Variants in RILPL1 observed in about 807,000 individuals in gnomAD.
The protein encoded by RILPL1 is Rab interacting lysosomal protein like 1.
RILPL1 carries 33 observed loss-of-function variants against 50.3 expected under a neutral mutation model. That is an observed-to-expected ratio of 0.66 (90% CI 0.50 to 0.88). The LOEUF (loss-of-function observed/expected upper bound fraction) is 0.88, where lower values mean the gene tolerates loss of function less well. Ranked by LOEUF, RILPL1 falls within the 40% of genes least tolerant of loss-of-function variation. The pLI, the probability that RILPL1 is intolerant of heterozygous loss-of-function variation, is 0.00. For synonymous variants in RILPL1, 205 were observed against 228.6 expected (o/e 0.90, Z 0.93); for missense variants, 418 against 542.5 (o/e 0.77, Z 2.28).
chr12:123,521,695 A>ATG (rs1555269651), intron 2 of RILPL1, among the ~76,000 whole-genome samples: 2 of 8,826 alleles, frequency 2.3e-4, no homozygotes, highest in African/African-American at 3.8e-4. Flanking sequence ...ACACACATAT[A>ATG]TGTATATATA....
In RILPL1 at chr12:123,498,496, C is replaced by T; in HGVS notation, c.801+48G>A. The T allele has an allele frequency of 6.4e-7, 1 of 1,569,876 alleles. No homozygotes were observed. Among genetic ancestry groups the T allele is most frequent in the South Asian group, 1.1e-5 (1 of 90,066 alleles). Reference sequence around the variant, plus strand: ...CAACCCTGCCTGCCTTAAGCCAACCCCCAGACTGACCCTCTGCTACCACCT... The same window carrying T: ...CAACCCTGCCTGCCTTAAGCCAACCTCCAGACTGACCCTCTGCTACCACCT... On this transcript the variant is annotated intron_variant, in intron 4 of 6. Coordinates refer to ENST00000376874, the MANE Select transcript of RILPL1 (RefSeq NM_178314.5). This position sits in a 1 kb window ranked among gnomAD's most constrained non-coding sequence, Gnocchi z 4.3.
intron 2 of RILPL1, among the ~76,000 whole-genome samples, chr12:123,502,737 C>T (rs1426438888): frequency 6.6e-6 from 1 of 152,202 alleles, no homozygotes; most frequent in African/African-American, 2.4e-5. Context: ...GTTTCCTGCA[C>T]CTGCTGTAAC....
rs1881237507 is a variant in RILPL1 at position 123,472,248 on chromosome 12, AGTT to A, written c.*287_*289del. 5.8e-6 allele frequency: 2 copies of A among 346,128 alleles called. No homozygotes were observed. The highest frequency in any genetic ancestry group is 9.9e-5 in the East Asian group (2 of 20,270). 21.4% of individuals were successfully genotyped at this position (346,128 alleles called of 1,614,324 possible). A position where few individuals can be genotyped will look rare whatever the true frequency, so the allele number is the denominator to read the frequency against. ...GGCTTAAAGAAGCTTGTGTTACTGAAGTTAACGCAGAAGTCTGGCCTCCGTTTG... is the reference window on the plus strand; with the variant it reads ...GGCTTAAAGAAGCTTGTGTTACTGAAAACGCAGAAGTCTGGCCTCCGTTTG... On this transcript the variant is annotated 3_prime_UTR_variant, in exon 7 of 7. Transcript: ENST00000376874.
At chr12:123,484,150 G>A (rs771070802) in intron 6 of RILPL1, 30 bp downstream of exon 6, 14 of 1,490,274 alleles carry the variant, frequency 9.4e-6, no homozygotes, top group Middle Eastern at 1.8e-4. Context: ...CAGGTCAGCC[G>A]AGCGCAGAAG....
intron 6 of RILPL1, chr12:123,475,445 G>A (rs764099512): frequency 9.2e-5 from 52 of 563,996 alleles, no homozygotes; most frequent in Non-Finnish European, 1.5e-4. Context: ...AAGAATTATC[G>A]GTGACAGAGC....
intron 2 of RILPL1, among the ~76,000 whole-genome samples, chr12:123,510,094 G>A (rs535129995): frequency 5.9e-5 from 9 of 152,228 alleles, no homozygotes; most frequent in Non-Finnish European, 1.0e-4. Flanking sequence ...GTTGCTCTGC[G>A]TCCACTTTCT....
At chr12:123,527,898 C>T (rs1024546665) in intron 1 of RILPL1, among the ~76,000 whole-genome samples, 8 of 152,132 alleles carry the variant, frequency 5.3e-5, no homozygotes, top group African/African-American at 1.9e-4. Flanking sequence ...TCCTCCACAG[C>T]CCCCCAAAGG....
At position 123,522,113 on chromosome 12, in the gene RILPL1, C is replaced by T. The variant is rs898484162; in HGVS notation, c.460+1382G>A. ...TTCTGCAGAGAGGTCACCACACATT[C>T]TGAAGTTGGGCACCCACCCCAGGTC... On this transcript the variant is annotated intron_variant, in intron 2 of 6. Transcript: ENST00000376874. The surrounding 1 kb of genome is among the most constrained non-coding windows in gnomAD (Gnocchi z 4.0). Among the ~76,000 whole-genome samples, 3 of 152,130 alleles carry T rather than the reference C, an allele frequency of 2.0e-5. No homozygotes were observed. The highest frequency in any genetic ancestry group is 4.4e-5 in the Non-Finnish European group (3 of 68,026).
intron 1 of RILPL1, among the ~76,000 whole-genome samples, chr12:123,529,494 C>G (rs1216988282): frequency 6.6e-6 from 1 of 152,064 alleles, no homozygotes; most frequent in Non-Finnish European, 1.5e-5. Context: ...CCAGGATGGT[C>G]TTGACCTCCT....
intron 2 of RILPL1, among the ~76,000 whole-genome samples, chr12:123,506,268 A>G (rs894670492): frequency 9.9e-5 from 15 of 152,108 alleles, no homozygotes; most frequent in African/African-American, 3.6e-4. Context: ...GCATCGGGGG[A>G]TGAGGGCAAT....
At chr12:123,512,832 CTGTGTGTGCTGTGTGAGGTTTG>C (rs1884438860) in intron 2 of RILPL1, among the ~76,000 whole-genome samples, 1 of 91,682 alleles carries the variant, frequency 1.1e-5, no homozygotes, top group African/African-American at 4.4e-5. Context: ...TGTGTGAGGT[CTGTGTGTGCTGTGTGAGGTTTG>C]TGTGTGTGTG....
chr12:123,492,650 A>T (rs1566121491), intron 4 of RILPL1, among the ~76,000 whole-genome samples: 1 of 152,198 alleles, frequency 6.6e-6, no homozygotes, highest in Non-Finnish European at 1.5e-5. Context: ...GATGTGGGGA[A>T]AGGAACAGAG....
At position 123,489,973 on chromosome 12, in the gene RILPL1, G is replaced by A. The variant is rs958619407; in HGVS notation, c.802-4168C>T. 4.6e-5 allele frequency among the ~76,000 whole-genome samples: 7 copies of A among 152,146 alleles called. No homozygotes were observed. The highest frequency in any genetic ancestry group is 7.2e-5 in the African/African-American group (3 of 41,436). Reference sequence around the variant, plus strand: ...GCATTTTGGGCTTCCTGTGGAAAGTGCGCTGGAAGATCAGGCCCCACTGGC... The same window carrying A: ...GCATTTTGGGCTTCCTGTGGAAAGTACGCTGGAAGATCAGGCCCCACTGGC... On this transcript the variant is annotated intron_variant, in intron 4 of 6. Transcript: ENST00000376874. This position sits in a 1 kb window ranked among gnomAD's most constrained non-coding sequence, Gnocchi z 4.0.
intron 6 of RILPL1, among the ~76,000 whole-genome samples, chr12:123,476,314 G>T (rs909634958): frequency 7.3e-6 from 1 of 137,788 alleles, no homozygotes; most frequent in Admixed American, 7.6e-5. Flanking sequence ...GGTGGCGCAT[G>T]CCTGTAATCC....
At chr12:123,530,235 G>A (rs1407552428) in intron 1 of RILPL1, among the ~76,000 whole-genome samples, 4 of 152,154 alleles carry the variant, frequency 2.6e-5, no homozygotes, top group Non-Finnish European at 1.5e-5. Context: ...GTGTGATTTC[G>A]ACTCGCTGCA....
At chr12:123,527,748 G>A (rs950237453) in intron 1 of RILPL1, among the ~76,000 whole-genome samples, 4 of 152,224 alleles carry the variant, frequency 2.6e-5, no homozygotes, top group South Asian at 2.1e-4. Flanking sequence ...CAGGGTCTTC[G>A]TAAGAGGAAG....
At chr12:123,504,930 CAG>C (rs1883638414) in intron 2 of RILPL1, among the ~76,000 whole-genome samples, 1 of 152,216 alleles carries the variant, frequency 6.6e-6, no homozygotes, top group African/African-American at 2.4e-5. Context: ...CACCACGGGG[CAG>C]ACTCTAGTCC....
Position 123,470,936 on chromosome 12 carries a change from C to T in RILPL1, c.*1602G>A, listed in dbSNP as rs1333756155. ...TCTTTGAGAATAAATTCTAATAATT[C>T]TAATGGGCACTCAGGTTTGAGAAAC... On this transcript the variant is annotated 3_prime_UTR_variant, in exon 7 of 7. Coordinates refer to ENST00000376874, the MANE Select transcript of RILPL1 (RefSeq NM_178314.5). 6.6e-6 allele frequency: 1 copy of T among 152,150 alleles called. No individual in the cohort carries two copies. The highest frequency in any genetic ancestry group is 1.5e-5 in the Non-Finnish European group (1 of 68,028). 9.4% of individuals were successfully genotyped at this position (152,150 alleles called of 1,614,324 possible).
intron 2 of RILPL1, among the ~76,000 whole-genome samples, chr12:123,508,976 A>G (rs1015681503): frequency 1.4e-4 from 21 of 152,208 alleles, no homozygotes; most frequent in Admixed American, 1.4e-3. Flanking sequence ...ACTTGAGGTC[A>G]GGAGTTGGAG....
Sources: allele counts gnomAD v4.1 joint callset (sites outside exome capture counted in the v4.1 genomes callset), GRCh38; gene constraint gnomAD v4.1.1; non-coding constraint Gnocchi (gnomAD v3.1); transcripts MANE v1.5; gene names NCBI Gene and HGNC (gene_info 2026-07-23, HGNC 2026-07-21).